DPYS: variants seen among roughly 807,000 people sequenced by gnomAD.
DPYS encodes the protein dihydropyrimidinase.
A neutral mutation model predicts 50.3 loss-of-function variants in DPYS; 39 were observed. The observed-to-expected ratio is 0.78, with a 90% CI of 0.60 to 1.01. The LOEUF is 1.01. Among genes scored for constraint, DPYS ranks in the 50% least tolerant of loss-of-function variants. The pLI, the probability that DPYS is intolerant of heterozygous loss-of-function variation, is 0.00. For missense variants in DPYS, 659 were observed against 680.9 expected (o/e 0.97, Z 0.36); for synonymous variants, 245 against 250.7 (o/e 0.98, Z 0.22).
At chr8:104,445,905 C>T (rs1050852050) in intron 3 of DPYS, among the ~76,000 whole-genome samples, 92 of 152,092 alleles carry the variant, frequency 6.0e-4, no homozygotes, top group African/African-American at 2.1e-3. Flanking sequence ...ATTAGCCGGG[C>T]GTGGTGGCGG....
intron 6 of DPYS, among the ~76,000 whole-genome samples, chr8:104,425,602 C>A (rs1384430239): frequency 1.3e-5 from 2 of 151,774 alleles, no homozygotes; most frequent in Admixed American, 1.3e-4. Flanking sequence ...GGATTACAGG[C>A]ATAAGCCACC....
At chr8:104,400,745 G>A (rs556996656) in intron 7 of DPYS, among the ~76,000 whole-genome samples, 4 of 152,340 alleles carry the variant, frequency 2.6e-5, no homozygotes, top group African/African-American at 9.6e-5. Context: ...GGGGTGTCAA[G>A]GTTGTCTTAC....
chr8:104,398,167 C>T (rs994997641), intron 7 of DPYS, among the ~76,000 whole-genome samples: 1 of 152,216 alleles, frequency 6.6e-6, no homozygotes, highest in Non-Finnish European at 1.5e-5. Flanking sequence ...GGCATGTGAC[C>T]TGGGCTCCTT....
intron 7 of DPYS, among the ~76,000 whole-genome samples, chr8:104,406,239 A>G (rs1338607079): frequency 6.6e-6 from 1 of 151,994 alleles, no homozygotes; most frequent in African/African-American, 2.4e-5. Flanking sequence ...CTGAATCCCA[A>G]CTCTGTCCTT....
chr8:104,461,964 C>T (rs1488529115), intron 1 of DPYS, among the ~76,000 whole-genome samples: 1 of 152,112 alleles, frequency 6.6e-6, no homozygotes, highest in African/African-American at 2.4e-5. Flanking sequence ...AAATAAATAT[C>T]TAGAAGGATA....
chr8:104,429,388 GTT>G, intron 5 of DPYS, 155 bp downstream of exon 5: 5 of 794,438 alleles, frequency 6.3e-6, no homozygotes, highest in Non-Finnish European at 1.0e-5. Flanking sequence ...TTAAGTCAAT[GTT>G]TTTTGCTCTG....
intron 7 of DPYS, among the ~76,000 whole-genome samples, chr8:104,396,608 G>C (rs912979461): frequency 6.6e-6 from 1 of 152,154 alleles, no homozygotes; most frequent in South Asian, 2.1e-4. Flanking sequence ...ACTGGTGATA[G>C]AGAGTATGTA....
chr8:104,396,781 G>A (rs1216643222), intron 7 of DPYS, among the ~76,000 whole-genome samples: 1 of 150,426 alleles, frequency 6.6e-6, no homozygotes, highest in East Asian at 1.9e-4. Flanking sequence ...CTTAAAATGA[G>A]GTTGACACAG....
chr8:104,391,747 G>A (rs1038627790), intron 8 of DPYS, among the ~76,000 whole-genome samples: 1 of 152,070 alleles, frequency 6.6e-6, no homozygotes, highest in African/African-American at 2.4e-5. Context: ...AGGCTGGAGT[G>A]CACTGGTATG....
intron 7 of DPYS, among the ~76,000 whole-genome samples, chr8:104,416,138 T>A (rs1324555889): frequency 6.6e-6 from 1 of 152,280 alleles, no homozygotes; most frequent in East Asian, 1.9e-4. Context: ...AGTGGCAGAC[T>A]AGGAATTTAT....
At chr8:104,410,526 A>C (rs566957752) in intron 7 of DPYS, among the ~76,000 whole-genome samples, 1 of 152,232 alleles carries the variant, frequency 6.6e-6, no homozygotes, top group South Asian at 2.1e-4. Flanking sequence ...TAAAACTGGG[A>C]AAGTCCCAGG....
intron 1 of DPYS, among the ~76,000 whole-genome samples, chr8:104,454,811 G>A (rs1813868552): frequency 1.3e-5 from 2 of 152,174 alleles, no homozygotes; most frequent in Non-Finnish European, 2.9e-5. Flanking sequence ...TCAACTCAGA[G>A]ATTAGAGACG....
At chr8:104,440,768 A>C (rs1037808251) in intron 4 of DPYS, among the ~76,000 whole-genome samples, 5 of 152,198 alleles carry the variant, frequency 3.3e-5, no homozygotes, top group Non-Finnish European at 5.9e-5. Context: ...CAAAAAAAAA[A>C]CATAAAACAA....
At chr8:104,450,083 A>G (rs1813679330) in intron 2 of DPYS, among the ~76,000 whole-genome samples, 1 of 149,576 alleles carries the variant, frequency 6.7e-6, no homozygotes, top group South Asian at 2.2e-4. Flanking sequence ...CCATCTTATA[A>G]AATAGGAGAA....
chr8:104,457,499 T>C (rs1813966271), intron 1 of DPYS, among the ~76,000 whole-genome samples: 1 of 152,230 alleles, frequency 6.6e-6, no homozygotes, highest in Non-Finnish European at 1.5e-5. Flanking sequence ...TACACTACTG[T>C]ATCCAAATGC....
At chr8:104,465,431 A>G (rs147780603) in intron 1 of DPYS, among the ~76,000 whole-genome samples, 413 of 152,326 alleles carry the variant, frequency 2.7e-3, no homozygotes, top group Non-Finnish European at 5.0e-3. Flanking sequence ...ATATCAATAC[A>G]TCTTCACTTT....
Position 104,392,858 on chromosome 8 carries a change from C to T in DPYS, c.1369G>A (p.Ala457Thr), listed in dbSNP as rs764277320. 1.2e-6 allele frequency: 2 copies of T among 1,614,068 alleles called. No individual in the cohort carries two copies. The highest frequency in any genetic ancestry group is 1.7e-6 in the Non-Finnish European group (2 of 1,180,040). The change falls in exon 8 of 10, where the codon GCA (alanine) becomes ACA (threonine). Residue 457 changes from alanine (A) to threonine (T), a missense_variant. Transcript: ENST00000351513. ...VYEAGVFSVT[A>T]GDGKFIPRKP... ...CGAGGAATAAACTTCCCATCTCCTG[C>T]CGTGACACTGAACACTCCGGCTTCA...
intron 7 of DPYS, chr8:104,419,801 C>A (rs889996255): frequency 6.6e-6 from 1 of 152,088 alleles, no homozygotes; most frequent in African/African-American, 2.4e-5. Flanking sequence ...GGACACATGA[C>A]CACTAAATGT....
chr8:104,410,455 G>A (rs1363611801), intron 7 of DPYS, among the ~76,000 whole-genome samples: 1 of 152,142 alleles, frequency 6.6e-6, no homozygotes, highest in Non-Finnish European at 1.5e-5. Context: ...ACCTCCTAGA[G>A]TGACATTCAC....
Sources: gnomAD v4.1 joint callset for allele counts (sites outside exome capture counted in the v4.1 genomes callset) on GRCh38, gnomAD v4.1.1 for gene constraint, MANE v1.5 for transcripts, NCBI Gene and HGNC (gene_info 2026-07-23, HGNC 2026-07-21) for gene names.